MERTK: variants seen among roughly 807,000 people sequenced by gnomAD.
The protein encoded by MERTK is tyrosine-protein kinase Mer.
In MERTK, 69 loss-of-function variants were observed where a neutral mutation model predicts 99.3. That is an observed-to-expected ratio of 0.70 (90% confidence interval 0.57 to 0.85). The LOEUF (loss-of-function observed/expected upper bound fraction) is 0.85, where lower values mean the gene tolerates loss of function less well. Among genes scored for constraint, MERTK ranks in the 40% least tolerant of loss-of-function variants. MERTK has a pLI of 0.00. For synonymous variants in MERTK, 426 were observed against 467.6 expected (o/e 0.91, Z 1.15); for missense variants, 1,125 against 1,249.4 (o/e 0.90, Z 1.50).
At chr2:111,967,318 T>C (rs1408407946) in intron 5 of MERTK, among the ~76,000 whole-genome samples, 1 of 152,204 alleles carries the variant, frequency 6.6e-6, no homozygotes. Context: ...TCTAATTGGA[T>C]TCTAGGAATG....
intron 1 of MERTK, among the ~76,000 whole-genome samples, chr2:111,906,948 A>G (rs1243569111): frequency 6.6e-6 from 1 of 152,128 alleles, no homozygotes; most frequent in Non-Finnish European, 1.5e-5. Flanking sequence ...GGGGCAGAAC[A>G]CTGATTCCAT....
intron 4 of MERTK, among the ~76,000 whole-genome samples, chr2:111,948,405 C>T (rs1209005457): frequency 6.6e-6 from 1 of 152,162 alleles, no homozygotes; most frequent in Non-Finnish European, 1.5e-5. Flanking sequence ...GGGAGAGTTT[C>T]TTTGGGCCCA....
At chr2:111,990,222 A>G (rs1676588477) in intron 8 of MERTK, among the ~76,000 whole-genome samples, 1 of 152,230 alleles carries the variant, frequency 6.6e-6, no homozygotes, top group Non-Finnish European at 1.5e-5. Flanking sequence ...CCATTTTAAA[A>G]AAACATGAAT....
chr2:111,923,880 A>G (rs1684508711), intron 1 of MERTK, among the ~76,000 whole-genome samples: 1 of 152,234 alleles, frequency 6.6e-6, no homozygotes, highest in South Asian at 2.1e-4. Flanking sequence ...GCAACTTAAA[A>G]TATAATTTCT....
At chr2:111,986,225 G>A (rs924484444) in intron 8 of MERTK, among the ~76,000 whole-genome samples, 1 of 152,208 alleles carries the variant, frequency 6.6e-6, no homozygotes, top group Non-Finnish European at 1.5e-5. Context: ...ACAGCTGCGA[G>A]AGAAGCAGCC....
rs537782338 is a variant in MERTK at position 111,935,948 on chromosome 2, G to A, written c.482+6408G>A. ...TTTTTGTTTTTTGAGACAGAGTCTTGCTCTGTCACCCAGGCTGGAGTGCAG... is the reference window on the plus strand; with the variant it reads ...TTTTTGTTTTTTGAGACAGAGTCTTACTCTGTCACCCAGGCTGGAGTGCAG... On this transcript the variant is annotated intron_variant, in intron 2 of 18. Coordinates refer to ENST00000295408, the MANE Select transcript of MERTK (RefSeq NM_006343.3). 2.0e-4 allele frequency among the ~76,000 whole-genome samples: 30 copies of A among 151,814 alleles called. 1 individual carries two copies. In the South Asian group the frequency reaches 6.1e-3, roughly 31 times the overall value.
At chr2:111,993,681 A>T (rs1446732629) in intron 8 of MERTK, among the ~76,000 whole-genome samples, 1 of 152,180 alleles carries the variant, frequency 6.6e-6, no homozygotes, top group Non-Finnish European at 1.5e-5. Context: ...AATGACAGTG[A>T]CTTTAAAATA....
intron 4 of MERTK, among the ~76,000 whole-genome samples, chr2:111,960,024 T>A (rs1685214233): frequency 6.6e-6 from 1 of 152,118 alleles, no homozygotes; most frequent in African/African-American, 2.4e-5. Context: ...CCTGAGATAA[T>A]GAGAATTAAA....
At position 111,923,586 on chromosome 2, in the gene MERTK, C is replaced by T. The variant is rs182278185; in HGVS notation, c.62-5534C>T. On this transcript the variant is annotated intron_variant, in intron 1 of 18. Coordinates refer to ENST00000295408, the MANE Select transcript of MERTK (RefSeq NM_006343.3). Reference sequence around the variant, plus strand: ...TTAAAATTCCACTCCAGCTGTTTATCCAGTCCACATGAGGAAGCAATCCTG... The same window carrying T: ...TTAAAATTCCACTCCAGCTGTTTATTCAGTCCACATGAGGAAGCAATCCTG... 1.3e-3 allele frequency among the ~76,000 whole-genome samples: 196 copies of T among 152,316 alleles called. 6 individuals are homozygous for T. Among genetic ancestry groups the T allele is most frequent in the Admixed American group, 0.012 (179 of 15,296 alleles).
rs565473251 is a variant in MERTK, at chr2:112,019,469, G to A, written c.2136G>A (p.Glu712=). ...TGGTGGATATTGCCCTGGGAATGGA[G>A]TATCTGAGCAACAGGAATTTTCTTC... ...KFMVDIALGM[E]YLSNRNFLHR... Residue 712 remains glutamate, a synonymous_variant, in exon 16 of 19, where the codon GAG becomes GAA. Transcript: ENST00000295408. The A allele has an allele frequency of 6.2e-7, 1 of 1,614,022 alleles. No homozygotes were observed. Among genetic ancestry groups the A allele is most frequent in the South Asian group, 1.1e-5 (1 of 91,080 alleles).
chr2:111,940,476 A>G lies in MERTK; in HGVS notation c.483-4484A>G, dbSNP rs1684842033. ...CTGCATCTCCTGTGTCAAAACCAAG[A>G]ATATGTTTGTCTAAAGCAACAGGCA... is the stretch of plus-strand genomic sequence containing the variant. On this transcript the variant is annotated intron_variant, in intron 2 of 18. Transcript: ENST00000295408. The G allele has an allele frequency of 1.1e-5, 6 of 569,516 alleles. No individual in the cohort carries two copies. In the Admixed American group the frequency reaches 1.1e-4, roughly 11 times the overall value. 35.3% of individuals were successfully genotyped at this position (569,516 alleles called of 1,614,324 possible). A position where few individuals can be genotyped will look rare whatever the true frequency, so the allele number is the denominator to read the frequency against.
chr2:111,999,257 G>C (rs551485177), intron 10 of MERTK, among the ~76,000 whole-genome samples: 1 of 152,204 alleles, frequency 6.6e-6, no homozygotes, highest in South Asian at 2.1e-4. Flanking sequence ...CTAAAACAGT[G>C]ACTAAATGGA....
At chr2:111,977,785 CTA>C (rs1200312635) in intron 7 of MERTK, among the ~76,000 whole-genome samples, 3 of 152,106 alleles carry the variant, frequency 2.0e-5, no homozygotes, top group African/African-American at 7.2e-5. Flanking sequence ...GTTTCTGTTG[CTA>C]TGTCTTCAAT....
chr2:111,973,991 C>CAAAAAAA (rs34537631), intron 6 of MERTK, among the ~76,000 whole-genome samples: 2 of 84,728 alleles, frequency 2.4e-5, no homozygotes, highest in Admixed American at 1.3e-4. Flanking sequence ...ATCTCCTCAT[C>CAAAAAAA]AAAAAAAAAA....
chr2:111,922,811 G>A (rs1187273977), intron 1 of MERTK, among the ~76,000 whole-genome samples: 1 of 152,232 alleles, frequency 6.6e-6, no homozygotes, highest in Admixed American at 6.5e-5. Flanking sequence ...GAGCAGCACT[G>A]CCCACCAGCC....
At position 112,007,040 on chromosome 2, in the gene MERTK, A is replaced by G. The variant is rs1022418606; in HGVS notation, c.1868-1343A>G. Among the ~76,000 whole-genome samples the G allele has an allele frequency of 2.6e-5, 4 of 152,166 alleles. 1 individual carries two copies. The highest frequency in any genetic ancestry group is 9.7e-5 in the African/African-American group (4 of 41,414). ...TTTATTTGTTTTTAATTGTGGCAAC[A>G]TATACATAATATAAAATTTACCATT... is the stretch of plus-strand genomic sequence containing the variant. On this transcript the variant is annotated intron_variant, in intron 13 of 18. Coordinates refer to ENST00000295408, the MANE Select transcript of MERTK (RefSeq NM_006343.3).
At chr2:111,988,884 G>A (rs1451348418) in intron 8 of MERTK, among the ~76,000 whole-genome samples, 3 of 152,206 alleles carry the variant, frequency 2.0e-5, no homozygotes, top group Admixed American at 6.5e-5. Context: ...AGGAGGCGGA[G>A]GTTGCAGTAA....
At position 111,928,216 on chromosome 2, in the gene MERTK, C is replaced by CT. The variant is rs34872417; in HGVS notation, c.62-877dup. ...CTCATCTCTTTGTGGCCATGAGCAG[C>CT]TTTTTTTTTTTTTTTTTTTTTTTTT... On this transcript the variant is annotated intron_variant, in intron 1 of 18. Transcript: ENST00000295408. 9.2e-3 allele frequency among the ~76,000 whole-genome samples: 783 copies of CT among 84,870 alleles called. 104 individuals carry two copies. The highest frequency in any genetic ancestry group is 0.02 in the African/African-American group (414 of 20,366). The allele number at this position is 84,870 out of a possible 152,430, so 55.7% of individuals were successfully genotyped here.
At chr2:112,023,437 T>G (rs985412335) in intron 18 of MERTK, among the ~76,000 whole-genome samples, 1 of 151,742 alleles carries the variant, frequency 6.6e-6, no homozygotes, top group South Asian at 2.1e-4. Context: ...AATAATAAAA[T>G]AATAAAATAA....
Sources: gnomAD v4.1 joint callset for allele counts (sites outside exome capture counted in the v4.1 genomes callset) on GRCh38, gnomAD v4.1.1 for gene constraint, MANE v1.5 for transcripts, NCBI Gene and HGNC (gene_info 2026-07-23, HGNC 2026-07-21) for gene names.